Variants in CDC14A observed in about 807,000 individuals in gnomAD.
The protein encoded by CDC14A is dual specificity protein phosphatase CDC14A.
CDC14A carries 53 observed loss-of-function variants against 74.4 expected under a neutral mutation model. That is an observed-to-expected ratio of 0.71 (90% CI 0.57 to 0.89). CDC14A has a LOEUF of 0.89. Among genes scored for constraint, CDC14A ranks in the 40% least tolerant of loss-of-function variants. The probability of loss-of-function intolerance (pLI) is 0.00; values close to 1 mark genes in which losing one functional copy is unlikely to be tolerated. For synonymous variants in CDC14A, 247 were observed against 258.4 expected, an observed-to-expected ratio of 0.96 and a Z score of 0.43; for missense variants, 646 against 713.7, an observed-to-expected ratio of 0.91 and a Z score of 1.08.
At chr1:100,372,925 A>C (rs1023886697) in intron 2 of CDC14A, among the ~76,000 whole-genome samples, 5 of 152,218 alleles carry the variant, frequency 3.3e-5, no homozygotes, top group African/African-American at 1.2e-4. Flanking sequence ...GGCTGGTTTC[A>C]TCTTCTATCC....
rs1669907330 is a variant in CDC14A at position 100,485,200 on chromosome 1, GACAAGAA to G, written c.1137+752_1137+758del. 1.1e-5 allele frequency: 11 copies of G among 985,250 alleles called. No individual in the cohort carries two copies. In the South Asian group the frequency reaches 4.7e-4, roughly 42 times the overall value. The allele number at this position is 985,250 out of a possible 1,614,324, so 61.0% of individuals were successfully genotyped here. On this transcript the variant is annotated intron_variant, in intron 11 of 15. Transcript: ENST00000336454. ...ATTTGTTTGGTTCCACTATTGTAGA[GACAAGAA>G]ACTGGGGTCCCAGAAAATTTGTGAT...
intron 1 of CDC14A, among the ~76,000 whole-genome samples, chr1:100,345,910 C>T (rs1345492817): frequency 5.9e-5 from 9 of 152,114 alleles, no homozygotes; most frequent in East Asian, 1.9e-4. Flanking sequence ...TGGTGGCTCA[C>T]GCCTGTAATC....
At chr1:100,517,298 A>G (rs759857987) in intron 15 of CDC14A, among the ~76,000 whole-genome samples, 6 of 152,182 alleles carry the variant, frequency 3.9e-5, no homozygotes, top group Non-Finnish European at 7.3e-5. Context: ...CTTATAATTG[A>G]CTAGACCTGT....
chr1:100,380,588 A>C (rs1399112358), intron 3 of CDC14A, among the ~76,000 whole-genome samples: 1 of 152,102 alleles, frequency 6.6e-6, no homozygotes, highest in Non-Finnish European at 1.5e-5. Context: ...CTCTCACACT[A>C]CTGGGATTGC....
intron 8 of CDC14A, among the ~76,000 whole-genome samples, chr1:100,457,051 A>G (rs572816912): frequency 2.6e-4 from 40 of 152,356 alleles, no homozygotes; most frequent in African/African-American, 9.1e-4. Context: ...CTTTCTGTGC[A>G]AATTATCTGA....
In CDC14A at chr1:100,364,502, C is replaced by T. The variant is rs895027034; in HGVS notation, c.140+10650C>T. 5.3e-5 allele frequency among the ~76,000 whole-genome samples: 8 copies of T among 152,182 alleles called. No individual in the cohort carries two copies. In the East Asian group the frequency reaches 5.8e-4, roughly 11 times the overall value. Reference sequence around the variant, plus strand: ...GCTGGGATTACAGGCGGAGCCGTTGCCCCCGGCCCTGTGATCCTCACCACA... The same window carrying T: ...GCTGGGATTACAGGCGGAGCCGTTGTCCCCGGCCCTGTGATCCTCACCACA... On this transcript the variant is annotated intron_variant, in intron 2 of 15. Transcript: ENST00000336454.
At chr1:100,459,972 A>C (rs919999344) in intron 8 of CDC14A, among the ~76,000 whole-genome samples, 1 of 152,218 alleles carries the variant, frequency 6.6e-6, no homozygotes, top group Non-Finnish European at 1.5e-5. Flanking sequence ...GTCTTAACAG[A>C]TAGAATCAAG....
At chr1:100,347,094 A>G (rs1570918562) in intron 1 of CDC14A, among the ~76,000 whole-genome samples, 1 of 152,238 alleles carries the variant, frequency 6.6e-6, no homozygotes, top group African/African-American at 2.4e-5. Context: ...TTATGCATAC[A>G]TTATTATTGA....
chr1:100,354,418 A>G (rs549640761), intron 2 of CDC14A, among the ~76,000 whole-genome samples: 9 of 152,136 alleles, frequency 5.9e-5, no homozygotes, highest in African/African-American at 2.2e-4. Flanking sequence ...AAACTTTTTG[A>G]TATTATTTTC....
intron 9 of CDC14A, among the ~76,000 whole-genome samples, chr1:100,466,970 T>G (rs1159958314): frequency 1.3e-5 from 2 of 152,010 alleles, no homozygotes; most frequent in Admixed American, 6.6e-5. Flanking sequence ...CTTTTTTTTT[T>G]TGTATAAAGC....
At chr1:100,397,056 A>G (rs908376842) in intron 4 of CDC14A, among the ~76,000 whole-genome samples, 6 of 151,662 alleles carry the variant, frequency 4.0e-5, no homozygotes, top group Admixed American at 3.9e-4. Context: ...AAAGCTCATC[A>G]GCTATCCTTA....
Position 100,518,443 on chromosome 1 carries a change from A to G in CDC14A, c.*163A>G, listed in dbSNP as rs28364924. ...TAACACCTTCAAGAGACTTGAAAACAGAAAACTGGTTAATGACTACTATAA... is the reference window on the plus strand; with the variant it reads ...TAACACCTTCAAGAGACTTGAAAACGGAAAACTGGTTAATGACTACTATAA... On this transcript the variant is annotated 3_prime_UTR_variant, in exon 16 of 16. Transcript: ENST00000336454. 349 of 574,344 alleles carry G rather than the reference A, an allele frequency of 6.1e-4. No individual in the cohort carries two copies. Among genetic ancestry groups the G allele is most frequent in the African/African-American group, 5.8e-3 (306 of 52,650 alleles). 35.6% of individuals were successfully genotyped at this position (574,344 alleles called of 1,614,324 possible).
At chr1:100,460,890 T>C (rs1477863050) in intron 8 of CDC14A, among the ~76,000 whole-genome samples, 1 of 152,168 alleles carries the variant, frequency 6.6e-6, no homozygotes, top group Non-Finnish European at 1.5e-5. Context: ...CCAACTCTGG[T>C]AAAAGGCAGT....
Position 100,412,770 on chromosome 1 carries a change from A to ATATATATATATTT in CDC14A, c.310-11441_310-11440insTTTATATATATAT, listed in dbSNP as rs1557732829. On this transcript the variant is annotated intron_variant, in intron 4 of 15. Transcript: ENST00000336454. ...TATATATATTTTATATATATATATT[A>ATATATATATATTT]TATATATATATATAGTATGTATGCA... is the stretch of plus-strand genomic sequence containing the variant. Among the ~76,000 whole-genome samples the ATATATATATATTT allele has an allele frequency of 3.4e-4, 33 of 95,656 alleles. 2 individuals are homozygous for ATATATATATATTT. The highest frequency in any genetic ancestry group is 4.9e-4 in the Non-Finnish European group (26 of 53,286). 62.8% of individuals were successfully genotyped at this position (95,656 alleles called of 152,430 possible).
rs528494924 is a variant in CDC14A, at chr1:100,371,487, T to G, written c.141-6059T>G. 2.6e-5 allele frequency among the ~76,000 whole-genome samples: 4 copies of G among 152,160 alleles called. No individual in the cohort carries two copies. The South Asian group carries it at 8.3e-4, about 32-fold the overall frequency. On this transcript the variant is annotated intron_variant, in intron 2 of 15. Coordinates refer to ENST00000336454, the MANE Select transcript of CDC14A (RefSeq NM_003672.4). The stretch of plus-strand genomic sequence containing the variant: ...GTATGTTCCTTTGATGCCCAGTTTG[T>G]TAAGGATTTTTACCATGAACGGATG...
intron 8 of CDC14A, 97 bp from the exon 9 acceptor site, chr1:100,462,554 G>T: frequency 2.1e-6 from 2 of 932,656 alleles, no homozygotes; most frequent in East Asian, 2.6e-5. Flanking sequence ...CCCAAGCTTT[G>T]TTGAGATTTA....
intron 1 of CDC14A, among the ~76,000 whole-genome samples, chr1:100,345,505 C>T (rs1361456280): frequency 6.6e-6 from 1 of 152,030 alleles, no homozygotes; most frequent in African/African-American, 2.4e-5. Flanking sequence ...ATAATGCATA[C>T]AGTTGGTGGG....
At chr1:100,448,603 ACT>A (rs1309907939) in intron 7 of CDC14A, among the ~76,000 whole-genome samples, 1 of 152,124 alleles carries the variant, frequency 6.6e-6, no homozygotes, top group Admixed American at 6.5e-5. Flanking sequence ...TGGCCTGGGG[ACT>A]CTGGCTGCTC....
chr1:100,429,302 G>A (rs1009154059), intron 5 of CDC14A, among the ~76,000 whole-genome samples: 4 of 151,780 alleles, frequency 2.6e-5, no homozygotes, highest in Non-Finnish European at 5.9e-5. Context: ...AACATCCAGG[G>A]ATCTAGTTCT....
Sources: allele counts gnomAD v4.1 joint callset (sites outside exome capture counted in the v4.1 genomes callset), GRCh38; gene constraint gnomAD v4.1.1; transcripts MANE v1.5; gene names NCBI Gene and HGNC (gene_info 2026-07-23, HGNC 2026-07-21).